Variants in CACNA1C observed in about 807,000 individuals in gnomAD.
CACNA1C encodes voltage-dependent L-type calcium channel subunit alpha-1C.
In CACNA1C, 30 loss-of-function variants were observed where a neutral mutation model predicts 229.0. That is an observed-to-expected ratio of 0.13 (90% CI 0.10 to 0.18). The LOEUF (loss-of-function observed/expected upper bound fraction) is 0.18. Among genes scored for constraint, CACNA1C ranks in the 10% least tolerant of loss-of-function variants. The pLI, the probability that CACNA1C is intolerant of heterozygous loss-of-function variation, is 1.00. For missense variants in CACNA1C, 1,658 were observed against 2,845.0 expected (o/e 0.58, Z 9.49); for synonymous variants, 1,114 against 1,132.5 (o/e 0.98, Z 0.33).
chr12:2,597,169 T>C lies in CACNA1C; in HGVS notation c.2794-61T>C. 9.1e-7 allele frequency: 1 copy of C among 1,093,140 alleles called. No homozygotes were observed. The highest frequency in any genetic ancestry group is 1.7e-5 in the Admixed American group (1 of 57,232). 67.7% of individuals were successfully genotyped at this position (1,093,140 alleles called of 1,614,324 possible). On this transcript the variant is annotated intron_variant, in intron 20 of 46. Transcript: ENST00000399655. The surrounding 1 kb of genome is among the most constrained non-coding windows in gnomAD (Gnocchi z 4.3). ...CTGGTGAACATCCACTGACCTCTCT[T>C]CCCGTCCTGCTTTTCTCCCTTCCCC...
intron 10 of CACNA1C, among the ~76,000 whole-genome samples, chr12:2,550,289 G>A (rs939717236): frequency 6.6e-6 from 1 of 152,176 alleles, no homozygotes; most frequent in Admixed American, 6.5e-5. Context: ...CTGACTCTTA[G>A]GTTTTGAGCC....
intron 29 of CACNA1C, among the ~76,000 whole-genome samples, chr12:2,620,190 G>C (rs2082531666): frequency 6.6e-6 from 1 of 152,180 alleles, no homozygotes; most frequent in Non-Finnish European, 1.5e-5. Context: ...AAAAGGCTAA[G>C]TCCAGAGCTG....
chr12:1,975,697 G>A (rs2034120919), intron 1 of CACNA1C, among the ~76,000 whole-genome samples: 1 of 152,144 alleles, frequency 6.6e-6, no homozygotes, highest in African/African-American at 2.4e-5. Flanking sequence ...TGGTCAAGCT[G>A]AGAACCTTAA....
intron 34 of CACNA1C, 145 bp downstream of exon 34, chr12:2,655,383 G>T: frequency 1.7e-6 from 1 of 583,766 alleles, no homozygotes; most frequent in Non-Finnish European, 3.0e-6. Context: ...TGACAAGGAG[G>T]CCAGTGGGTC....
chr12:2,577,209 G>C (rs879386252), intron 13 of CACNA1C, among the ~76,000 whole-genome samples: 2 of 152,244 alleles, frequency 1.3e-5, no homozygotes, highest in African/African-American at 4.8e-5. Context: ...GTCTGTCTGA[G>C]CCATGTTTTA....
chr12:2,582,438 C>G (rs2060877298), intron 14 of CACNA1C, among the ~76,000 whole-genome samples: 1 of 152,150 alleles, frequency 6.6e-6, no homozygotes, highest in Non-Finnish European at 1.5e-5. Flanking sequence ...GAAGATGATG[C>G]CCCAGTGACG....
Position 2,646,121 on chromosome 12 carries a change from C to G in CACNA1C, c.3913-2354C>G, listed in dbSNP as rs1200390289. 2.6e-5 allele frequency among the ~76,000 whole-genome samples: 4 copies of G among 152,144 alleles called. No individual in the cohort carries two copies. Among genetic ancestry groups the G allele is most frequent in the African/African-American group, 9.7e-5 (4 of 41,430 alleles). On this transcript the variant is annotated intron_variant, in intron 30 of 46. Transcript: ENST00000399655. This position sits in a 1 kb window ranked among gnomAD's most constrained non-coding sequence, Gnocchi z 4.6. ...AAGATTATCTGAACAGATCCAAAGT[C>G]AAGTCTTGAAGTGAAATATGACTTA... is the stretch of plus-strand genomic sequence containing the variant.
chr12:2,141,260 C>T lies in CACNA1C; in HGVS notation c.477+20830C>T, dbSNP rs986392884. 2.0e-5 allele frequency among the ~76,000 whole-genome samples: 3 copies of T among 151,142 alleles called. 1 individual carries two copies. The highest frequency in any genetic ancestry group is 4.4e-5 in the Non-Finnish European group (3 of 67,542). On this transcript the variant is annotated intron_variant, in intron 3 of 46. Transcript: ENST00000399655. ...CAGGTCTGTGTGCTTCCCAAGGCTC[C>T]AGAGGAGCAGGAAGGATCTGGAGGA...
At chr12:2,477,937 T>C (rs2099639076) in intron 5 of CACNA1C, among the ~76,000 whole-genome samples, 1 of 152,034 alleles carries the variant, frequency 6.6e-6, no homozygotes, top group Non-Finnish European at 1.5e-5. Context: ...AGTAGGCTTA[T>C]GAAGCATGTC....
At chr12:2,462,417 C>G (rs1342188306) in intron 5 of CACNA1C, among the ~76,000 whole-genome samples, 2 of 144,840 alleles carry the variant, frequency 1.4e-5, no homozygotes, top group Non-Finnish European at 3.1e-5. Context: ...GTTCATCCAC[C>G]CTTCCCTGCT....
At chr12:2,325,564 C>T (rs1415444561) in intron 3 of CACNA1C, among the ~76,000 whole-genome samples, 1 of 152,250 alleles carries the variant, frequency 6.6e-6, no homozygotes, top group Non-Finnish European at 1.5e-5. Flanking sequence ...TGCAAACTCT[C>T]TGAGCTCCCA....
chr12:2,609,899 G>A (rs533004544), intron 27 of CACNA1C, among the ~76,000 whole-genome samples: 4 of 152,242 alleles, frequency 2.6e-5, no homozygotes, highest in South Asian at 4.2e-4. Flanking sequence ...CAAGGTGGGC[G>A]GATCACTTGA....
In CACNA1C at chr12:2,403,776, C is replaced by T. The variant is rs999486188; in HGVS notation, c.478-45200C>T. Among the ~76,000 whole-genome samples, 1 of 152,156 alleles carries T rather than the reference C, an allele frequency of 6.6e-6. No homozygotes were observed. The highest frequency in any genetic ancestry group is 2.4e-5 in the African/African-American group (1 of 41,438). Reference sequence around the variant, plus strand: ...CGTCTGCCACATCACTCAGGGGCTGCGTGGAGCACTCGGTGCCTTTCCCAC... The same window carrying T: ...CGTCTGCCACATCACTCAGGGGCTGTGTGGAGCACTCGGTGCCTTTCCCAC... On this transcript the variant is annotated intron_variant, in intron 3 of 46. Transcript: ENST00000399655. The surrounding 1 kb of genome is among the most constrained non-coding windows in gnomAD (Gnocchi z 4.1).
chr12:2,663,820 C>T (rs1314119330), intron 34 of CACNA1C, among the ~76,000 whole-genome samples: 1 of 146,358 alleles, frequency 6.8e-6, no homozygotes, highest in Non-Finnish European at 1.5e-5. Flanking sequence ...CGGCTCACTG[C>T]AAACTCCGCC....
intron 3 of CACNA1C, among the ~76,000 whole-genome samples, chr12:2,120,916 T>C (rs1368364473): frequency 6.6e-6 from 1 of 152,122 alleles, no homozygotes. Context: ...ACATGTATTA[T>C]TGAGTTAGAA....
In CACNA1C at chr12:2,450,493, A is replaced by G. The variant is rs374161796; in HGVS notation, c.617+1378A>G. ...GGCGTGAACCCGGGAGGCGGAGCTTACAGTGAGCCGAGATCATGCCACTGC... is the reference window on the plus strand; with the variant it reads ...GGCGTGAACCCGGGAGGCGGAGCTTGCAGTGAGCCGAGATCATGCCACTGC... On this transcript the variant is annotated intron_variant, in intron 4 of 46. Transcript: ENST00000399655. Among the ~76,000 whole-genome samples, 1,162 of 139,838 alleles carry G rather than the reference A, an allele frequency of 8.3e-3. 19 individuals are homozygous for G. Among genetic ancestry groups the G allele is most frequent in the African/African-American group, 0.029 (1,031 of 35,552 alleles). 91.7% of individuals were successfully genotyped at this position (139,838 alleles called of 152,430 possible).
chr12:2,618,356 C>T (rs2081657017), intron 29 of CACNA1C, among the ~76,000 whole-genome samples: 1 of 152,318 alleles, frequency 6.6e-6, no homozygotes, highest in African/African-American at 2.4e-5. Flanking sequence ...TCTCTGCCCC[C>T]GGGAGGAGGC....
At chr12:2,342,333 G>A (rs1004604335) in intron 3 of CACNA1C, among the ~76,000 whole-genome samples, 3 of 152,200 alleles carry the variant, frequency 2.0e-5, no homozygotes, top group African/African-American at 7.2e-5. Context: ...TATAAAGGGA[G>A]TTAATCCAGC....
chr12:1,993,077 C>G (rs776920315), intron 1 of CACNA1C: 2 of 807,066 alleles, frequency 2.5e-6, no homozygotes, highest in East Asian at 2.4e-5. Flanking sequence ...TTCACTTAAA[C>G]TCTTCCAAGG....
Sources: gnomAD v4.1 joint callset for allele counts (sites outside exome capture counted in the v4.1 genomes callset) on GRCh38, gnomAD v4.1.1 for gene constraint, Gnocchi (gnomAD v3.1) non-coding constraint, MANE v1.5 for transcripts, NCBI Gene and HGNC (gene_info 2026-07-23, HGNC 2026-07-21) for gene names.